Variants in GLRA3 observed in about 807,000 individuals in gnomAD.
The protein encoded by GLRA3 is glycine receptor subunit alpha-3.
In GLRA3, 44 loss-of-function variants were observed where a neutral mutation model predicts 60.4. That is an observed-to-expected ratio of 0.73 (90% CI 0.57 to 0.94). The LOEUF (loss-of-function observed/expected upper bound fraction) is 0.94, where lower values mean the gene tolerates loss of function less well. Ranked by LOEUF, GLRA3 falls within the 40% of genes least tolerant of loss-of-function variation. GLRA3 has a pLI of 0.00. For missense variants in GLRA3, 508 were observed against 564.6 expected, an observed-to-expected ratio of 0.90 and a Z score of 1.02; for synonymous variants, 223 against 192.9, an observed-to-expected ratio of 1.16 and a Z score of -1.29.
intron 2 of GLRA3, among the ~76,000 whole-genome samples, chr4:174,776,539 G>T (rs997518583): frequency 3.3e-5 from 5 of 152,000 alleles, no homozygotes; most frequent in African/African-American, 1.2e-4. Context: ...CATTAAATTA[G>T]CAGTCTACTT....
chr4:174,823,776 G>A (rs762203477), intron 1 of GLRA3, among the ~76,000 whole-genome samples: 1 of 152,140 alleles, frequency 6.6e-6, no homozygotes, highest in Non-Finnish European at 1.5e-5. Flanking sequence ...GCTGAAATTA[G>A]AGAAATGCTA....
chr4:174,644,918 A>G (rs1732757108), intron 9 of GLRA3, among the ~76,000 whole-genome samples: 1 of 151,818 alleles, frequency 6.6e-6, no homozygotes, highest in African/African-American at 2.4e-5. Context: ...ATAATATTTA[A>G]TAACAATGCA....
intron 7 of GLRA3, among the ~76,000 whole-genome samples, chr4:174,671,982 A>G (rs560044015): frequency 6.6e-6 from 1 of 152,286 alleles, no homozygotes; most frequent in Non-Finnish European, 1.5e-5. Flanking sequence ...AGTTTCACAG[A>G]GAAATTGAAA....
chr4:174,712,602 GT>G (rs1735754479), intron 5 of GLRA3: 1 of 152,054 alleles, frequency 6.6e-6, no homozygotes, highest in African/African-American at 2.4e-5. Context: ...TTTAAATTAT[GT>G]TTCCTTTTTG....
At chr4:174,670,493 A>G (rs757972402) in intron 7 of GLRA3, among the ~76,000 whole-genome samples, 15 of 152,162 alleles carry the variant, frequency 9.9e-5, no homozygotes, top group Non-Finnish European at 8.8e-5. Context: ...TCTAGGATAT[A>G]TATGAACGTG....
chr4:174,758,537 T>C (rs1389213297), intron 3 of GLRA3, among the ~76,000 whole-genome samples: 1 of 152,122 alleles, frequency 6.6e-6, no homozygotes, highest in Non-Finnish European at 1.5e-5. Context: ...TGTGGAAACA[T>C]GGCAACTAAA....
intron 1 of GLRA3, among the ~76,000 whole-genome samples, chr4:174,817,576 A>AATAT (rs1740559383): frequency 6.6e-6 from 1 of 152,180 alleles, no homozygotes; most frequent in Non-Finnish European, 1.5e-5. Flanking sequence ...GAATTTTAGA[A>AATAT]ACAAAGATAG....
intron 5 of GLRA3, among the ~76,000 whole-genome samples, chr4:174,710,159 T>C (rs1291513501): frequency 6.6e-6 from 1 of 152,046 alleles, no homozygotes; most frequent in Admixed American, 6.5e-5. Flanking sequence ...CTTTTGGTGG[T>C]CGTTTTCTAT....
At chr4:174,720,275 C>T (rs1371722925) in intron 4 of GLRA3, among the ~76,000 whole-genome samples, 1 of 152,088 alleles carries the variant, frequency 6.6e-6, no homozygotes, top group African/African-American at 2.4e-5. Flanking sequence ...GCTGAGACAT[C>T]TTAATAACTC....
intron 5 of GLRA3, among the ~76,000 whole-genome samples, chr4:174,688,484 A>T (rs1734646807): frequency 6.6e-6 from 1 of 150,670 alleles, no homozygotes; most frequent in Non-Finnish European, 1.5e-5. Flanking sequence ...AGTCAGTGGC[A>T]TATTTTCTAT....
At chr4:174,825,684 A>G (rs1326316094) in intron 1 of GLRA3, among the ~76,000 whole-genome samples, 1 of 152,164 alleles carries the variant, frequency 6.6e-6, no homozygotes, top group Non-Finnish European at 1.5e-5. Flanking sequence ...TCCAAAAGCC[A>G]TAGAAAAATT....
intron 1 of GLRA3, among the ~76,000 whole-genome samples, chr4:174,818,819 T>A (rs1356732601): frequency 2.0e-5 from 3 of 152,118 alleles, no homozygotes; most frequent in African/African-American, 7.2e-5. Context: ...AAAAGAAAAG[T>A]CTCTTGGTAT....
chr4:174,813,664 G>A (rs982069662), intron 1 of GLRA3, among the ~76,000 whole-genome samples: 9 of 152,084 alleles, frequency 5.9e-5, no homozygotes, highest in African/African-American at 1.7e-4. Context: ...CAAATCTATA[G>A]CCTAATATAT....
At chr4:174,685,325 T>C (rs920281752) in intron 5 of GLRA3, among the ~76,000 whole-genome samples, 1 of 152,174 alleles carries the variant, frequency 6.6e-6, no homozygotes, top group African/African-American at 2.4e-5. Context: ...CCTAGGTATA[T>C]CTCACACCGT....
chr4:174,768,905 G>A (rs1228013169), intron 2 of GLRA3, among the ~76,000 whole-genome samples: 1 of 152,006 alleles, frequency 6.6e-6, no homozygotes, highest in African/African-American at 2.4e-5. Context: ...TTTGTGCTAG[G>A]GGCTAAAATA....
intron 2 of GLRA3, among the ~76,000 whole-genome samples, chr4:174,781,095 A>G (rs1055364564): frequency 1.3e-5 from 2 of 152,198 alleles, no homozygotes; most frequent in South Asian, 2.1e-4. Flanking sequence ...GTAAAAGAAC[A>G]GAGATTATAA....
chr4:174,784,040 A>T (rs1739010800), intron 2 of GLRA3, among the ~76,000 whole-genome samples: 1 of 150,226 alleles, frequency 6.7e-6, no homozygotes, highest in Non-Finnish European at 1.5e-5. Flanking sequence ...TTGCGGCATT[A>T]TTCACATAGC....
chr4:174,810,305 C>T (rs1016494549), intron 1 of GLRA3, among the ~76,000 whole-genome samples: 1 of 152,102 alleles, frequency 6.6e-6, no homozygotes, highest in African/African-American at 2.4e-5. Flanking sequence ...CTTCTCTATT[C>T]TGTGGCAGAA....
chr4:174,661,754 G>T (rs1313989456), intron 7 of GLRA3, among the ~76,000 whole-genome samples: 1 of 152,118 alleles, frequency 6.6e-6, no homozygotes, highest in Non-Finnish European at 1.5e-5. Context: ...TCTGACACCT[G>T]CTCAGCTATG....
Sources: gnomAD v4.1 joint callset for allele counts (sites outside exome capture counted in the v4.1 genomes callset) on GRCh38, gnomAD v4.1.1 for gene constraint, MANE v1.5 for transcripts, NCBI Gene and HGNC (gene_info 2026-07-23, HGNC 2026-07-21) for gene names.